Variants in FMN1 observed in about 807,000 individuals in gnomAD.
FMN1 encodes formin 1, also known as formin-1.
In FMN1, 110 loss-of-function variants were observed where a neutral mutation model predicts 132.4. The ratio of observed to expected loss-of-function variants is 0.83; its 90% confidence interval spans 0.71 to 0.97. The LOEUF is 0.97. Ranked by LOEUF, FMN1 falls within the 50% of genes least tolerant of loss-of-function variation. The pLI, the probability that FMN1 is intolerant of heterozygous loss-of-function variation, is 0.00. For synonymous variants in FMN1, 722 were observed against 651.7 expected (o/e 1.11, Z -1.64); for missense variants, 1,792 against 1,705.3 (o/e 1.05, Z -0.90).
At position 33,121,654 on chromosome 15, in the gene FMN1, G is replaced by C. The variant is rs891553186; in HGVS notation, c.1867+31394C>G. On this transcript the variant is annotated intron_variant, in intron 4 of 20. Coordinates refer to ENST00000616417, the MANE Select transcript of FMN1 (RefSeq NM_001277313.2). ...ACTGATTCTCGTGCCTCAGCCTCCTGAGTAGCTGGGATTACAGGTGTCAGC... is the reference window on the plus strand; with the variant it reads ...ACTGATTCTCGTGCCTCAGCCTCCTCAGTAGCTGGGATTACAGGTGTCAGC... Among the ~76,000 whole-genome samples, 3 of 151,852 alleles carry C rather than the reference G, an allele frequency of 2.0e-5. No homozygotes were observed. The East Asian group carries it at 5.8e-4, about 29-fold the overall frequency.
intron 19 of FMN1, among the ~76,000 whole-genome samples, chr15:32,782,844 A>G (rs1235474890): frequency 1.3e-5 from 2 of 152,260 alleles, no homozygotes; most frequent in Non-Finnish European, 2.9e-5. Flanking sequence ...AATCACGTCC[A>G]TTGCAGCAAC....
At chr15:32,860,765 A>C (rs1211504669) in intron 16 of FMN1, 1 of 152,114 alleles carries the variant, frequency 6.6e-6, no homozygotes, top group African/African-American at 2.4e-5. Flanking sequence ...CCAAGGGGTC[A>C]CCGTCTCTGT....
At chr15:33,086,719 C>A (rs2038711287) in intron 5 of FMN1, among the ~76,000 whole-genome samples, 1 of 152,222 alleles carries the variant, frequency 6.6e-6, no homozygotes, top group South Asian at 2.1e-4. Flanking sequence ...CTTTAAGCAT[C>A]TCTAAAGACG....
Position 33,154,863 on chromosome 15 carries a change from A to C in FMN1, c.52T>G (p.Cys18Gly). 2 of 1,536,282 alleles carry C rather than the reference A, an allele frequency of 1.3e-6. No individual in the cohort carries two copies. The highest frequency in any genetic ancestry group is 2.4e-5 in the South Asian group (2 of 84,056). Residue 18 changes from cysteine to glycine, a missense_variant, in exon 4 of 21, where the codon TGC (cysteine) becomes GGC (glycine). This residue lies in a region of FMN1 where 638 missense variants were observed against 645.2 expected (regional missense o/e 0.99). Transcript: ENST00000616417. ...TTTGGAAGACAGAAGCTGATGTAGC[A>C]GAGTTCCGTAATGGGCTTATGCAAT... ...LQLHKPITELCYISFCLPKGE... is the reference protein window; with the variant it reads ...LQLHKPITELGYISFCLPKGE...
At chr15:33,025,574 T>C (rs1474930023) in intron 6 of FMN1, among the ~76,000 whole-genome samples, 4 of 152,160 alleles carry the variant, frequency 2.6e-5, no homozygotes, top group Non-Finnish European at 1.5e-5. Context: ...AAACCTAAAA[T>C]TAACAAATCT....
intron 4 of FMN1, 116 bp from the exon 5 acceptor site, chr15:33,089,090 CTAAGTTA>C: frequency 5.0e-6 from 4 of 804,514 alleles, no homozygotes; most frequent in Non-Finnish European, 7.4e-6. Context: ...ACTTTGCTTT[CTAAGTTA>C]TATTTTTAAG....
chr15:33,061,348 G>A (rs2037472467), intron 6 of FMN1, among the ~76,000 whole-genome samples: 1 of 151,952 alleles, frequency 6.6e-6, no homozygotes, highest in African/African-American at 2.4e-5. Context: ...TAAATCACAA[G>A]AAGCAAATCC....
chr15:33,067,943 G>C, intron 5 of FMN1: 1 of 1,536,994 alleles, frequency 6.5e-7, no homozygotes, highest in Non-Finnish European at 8.7e-7. Context: ...TGCGCTCTCA[G>C]TTTATCCACT....
chr15:32,854,613 G>A (rs2059082123), intron 17 of FMN1, among the ~76,000 whole-genome samples: 1 of 152,106 alleles, frequency 6.6e-6, no homozygotes, highest in Non-Finnish European at 1.5e-5. Context: ...TACCTCATCT[G>A]TAAGTCAGGA....
At chr15:33,110,260 A>G (rs1027544618) in intron 4 of FMN1, among the ~76,000 whole-genome samples, 1 of 152,090 alleles carries the variant, frequency 6.6e-6, no homozygotes, top group Non-Finnish European at 1.5e-5. Flanking sequence ...TAATACATAG[A>G]TGGTCTATTC....
At chr15:32,905,251 A>G (rs1233104282) in intron 12 of FMN1, among the ~76,000 whole-genome samples, 1 of 152,210 alleles carries the variant, frequency 6.6e-6, no homozygotes, top group Non-Finnish European at 1.5e-5. Flanking sequence ...AGAGACTAAC[A>G]TTTGATTTAT....
At chr15:33,190,755 G>A (rs1381776053) in intron 2 of FMN1, among the ~76,000 whole-genome samples, 3 of 152,272 alleles carry the variant, frequency 2.0e-5, no homozygotes, top group East Asian at 3.9e-4. Context: ...CCTGGCAGCA[G>A]CATCATAAAG....
Position 33,030,763 on chromosome 15 carries a change from T to C in FMN1, c.2162-22688A>G, listed in dbSNP as rs1010708676. On this transcript the variant is annotated intron_variant, in intron 6 of 20. Transcript: ENST00000616417. ...ACATCCTAATTTCAGGTGTAGAAAA[T>C]GTGTATTATACATTAGATAAAATAT... Among the ~76,000 whole-genome samples the C allele has an allele frequency of 3.9e-5, 6 of 152,132 alleles. No homozygotes were observed. In the East Asian group the frequency reaches 1.2e-3, roughly 29 times the overall value.
intron 5 of FMN1, among the ~76,000 whole-genome samples, chr15:33,083,765 T>C (rs1490130424): frequency 1.3e-5 from 2 of 152,146 alleles, no homozygotes; most frequent in African/African-American, 4.8e-5. Flanking sequence ...TTAGGCATTC[T>C]TAGTCACAGG....
At chr15:33,137,134 C>T (rs1963808860) in intron 4 of FMN1, among the ~76,000 whole-genome samples, 1 of 151,302 alleles carries the variant, frequency 6.6e-6, no homozygotes, top group Admixed American at 6.6e-5. Flanking sequence ...ACATACCCTC[C>T]CCAAACAGGG....
intron 2 of FMN1, among the ~76,000 whole-genome samples, chr15:33,191,735 G>A (rs1009573122): frequency 1.3e-5 from 2 of 152,224 alleles, no homozygotes; most frequent in African/African-American, 4.8e-5. Context: ...AGAGCATGGG[G>A]TTGATGCTTT....
At chr15:33,087,934 T>C (rs1338316592) in intron 5 of FMN1, among the ~76,000 whole-genome samples, 1 of 152,074 alleles carries the variant, frequency 6.6e-6, no homozygotes, top group African/African-American at 2.4e-5. Context: ...TCGGAGACTA[T>C]TATTCTAAGT....
chr15:33,066,530 C>A lies in FMN1; in HGVS notation c.2044-1456G>T, dbSNP rs763394475. On this transcript the variant is annotated intron_variant, in intron 5 of 20. Coordinates refer to ENST00000616417, the MANE Select transcript of FMN1 (RefSeq NM_001277313.2). ...ACATACACTTTTGGAATCAGAGGGGCCATCCGCTGGCTTAGAATTGGACCG... is the reference window on the plus strand; with the variant it reads ...ACATACACTTTTGGAATCAGAGGGGACATCCGCTGGCTTAGAATTGGACCG... 3.8e-6 allele frequency: 6 copies of A among 1,560,148 alleles called. No homozygotes were observed. In the South Asian group the frequency reaches 4.8e-5, roughly 13 times the overall value.
At chr15:32,998,635 A>G (rs1361415124) in intron 7 of FMN1, among the ~76,000 whole-genome samples, 1 of 152,180 alleles carries the variant, frequency 6.6e-6, no homozygotes, top group East Asian at 1.9e-4. Flanking sequence ...GAAGAGTCAA[A>G]AGCAATGGCC....
Sources: gnomAD v4.1 joint callset for allele counts (sites outside exome capture counted in the v4.1 genomes callset) on GRCh38, gnomAD v4.1.1 for gene constraint, gnomAD v4.1.1 regional missense constraint, MANE v1.5 for transcripts, NCBI Gene and HGNC (gene_info 2026-07-23, HGNC 2026-07-21) for gene names.